The following FTO variants were observed in gnomAD, a reference collection of about 807,000 sequenced individuals.
FTO encodes FTO alpha-ketoglutarate dependent dioxygenase.
A neutral mutation model predicts 63.9 loss-of-function variants in FTO; 47 were observed. The observed-to-expected ratio is 0.74, with a 90% CI of 0.58 to 0.94. The LOEUF (loss-of-function observed/expected upper bound fraction) is 0.94, where lower values mean the gene tolerates loss of function less well. Among genes scored for constraint, FTO ranks in the 40% least tolerant of loss-of-function variants. The pLI is 0.00. For missense variants in FTO, 562 were observed against 618.1 expected (o/e 0.91, Z 0.96); for synonymous variants, 207 against 224.4 (o/e 0.92, Z 0.69).
intron 8 of FTO, among the ~76,000 whole-genome samples, chr16:54,030,201 G>A (rs1445135374): frequency 6.6e-6 from 1 of 152,062 alleles, no homozygotes. Context: ...TTGTTCATAT[G>A]GAAGATAAAT....
chr16:53,826,543 G>A, intron 3 of FTO, 52 bp downstream of exon 3: 1 of 1,579,974 alleles, frequency 6.3e-7, no homozygotes, highest in South Asian at 1.1e-5. Flanking sequence ...TATGACCCGA[G>A]TTGTTTAGGC....
At chr16:53,982,273 C>A (rs904180635) in intron 8 of FTO, among the ~76,000 whole-genome samples, 3 of 152,068 alleles carry the variant, frequency 2.0e-5, no homozygotes, top group Non-Finnish European at 2.9e-5. Context: ...CATGGTATAC[C>A]TCCAATACAC....
At chr16:53,914,095 A>G (rs1188386529) in intron 7 of FTO, among the ~76,000 whole-genome samples, 2 of 151,512 alleles carry the variant, frequency 1.3e-5, no homozygotes, top group East Asian at 3.9e-4. Flanking sequence ...CTTCCCAGGG[A>G]CTCTCTTATT....
intron 8 of FTO, among the ~76,000 whole-genome samples, chr16:54,051,811 G>A (rs1280271453): frequency 2.6e-5 from 4 of 152,200 alleles, no homozygotes; most frequent in African/African-American, 9.6e-5. Context: ...AACAAAGGAA[G>A]TCTCTTTTAA....
chr16:53,717,396 C>T (rs1224014202), intron 1 of FTO, among the ~76,000 whole-genome samples: 1 of 151,994 alleles, frequency 6.6e-6, no homozygotes, highest in African/African-American at 2.4e-5. Context: ...TGAATTTCCT[C>T]CCACCATTTA....
intron 8 of FTO, among the ~76,000 whole-genome samples, chr16:53,963,081 G>A (rs1284257771): frequency 6.6e-6 from 1 of 152,170 alleles, no homozygotes; most frequent in Non-Finnish European, 1.5e-5. Flanking sequence ...TTTTAAAACA[G>A]TATAGTCACA....
intron 8 of FTO, among the ~76,000 whole-genome samples, chr16:53,948,282 G>A (rs1251876370): frequency 2.0e-5 from 3 of 152,228 alleles, no homozygotes; most frequent in South Asian, 2.1e-4. Flanking sequence ...GGAAGTATTC[G>A]TCTGAGCTTT....
intron 1 of FTO, among the ~76,000 whole-genome samples, chr16:53,750,442 T>C (rs553606672): frequency 1.3e-5 from 2 of 152,296 alleles, no homozygotes; most frequent in Admixed American, 1.3e-4. Context: ...TTTTGCCATG[T>C]TGGTCAGGCT....
At chr16:54,062,260 C>T (rs186188339) in intron 8 of FTO, among the ~76,000 whole-genome samples, 100 of 152,334 alleles carry the variant, frequency 6.6e-4, no homozygotes, top group Admixed American at 1.2e-3. Flanking sequence ...TATTTCTGCT[C>T]TGAAAATGAC....
intron 3 of FTO, among the ~76,000 whole-genome samples, chr16:53,840,145 A>C (rs2079432526): frequency 6.6e-6 from 1 of 152,092 alleles, no homozygotes; most frequent in South Asian, 2.1e-4. Context: ...CAATGGTAGA[A>C]GTTATAGTTG....
At chr16:54,020,445 G>A (rs2084563172) in intron 8 of FTO, among the ~76,000 whole-genome samples, 1 of 152,102 alleles carries the variant, frequency 6.6e-6, no homozygotes, top group South Asian at 2.1e-4. Flanking sequence ...TGCACTTTCT[G>A]TTTTACAGTT....
chr16:53,779,216 A>C (rs979385915), intron 1 of FTO, among the ~76,000 whole-genome samples: 2 of 152,190 alleles, frequency 1.3e-5, no homozygotes, highest in Non-Finnish European at 2.9e-5. Flanking sequence ...TTAACTGATC[A>C]TGTAATAGAA....
In FTO at chr16:53,724,522, G is replaced by A. The variant is rs1361127775; in HGVS notation, c.45+20293G>A. ...TCTATTTGTGATTAGAAATCCTATTGTTGAGAATTATTACTGTGTCCTGGG... is the reference window on the plus strand; with the variant it reads ...TCTATTTGTGATTAGAAATCCTATTATTGAGAATTATTACTGTGTCCTGGG... On this transcript the variant is annotated intron_variant, in intron 1 of 8. Coordinates refer to ENST00000471389, the MANE Select transcript of FTO (RefSeq NM_001080432.3). Among the ~76,000 whole-genome samples the A allele has an allele frequency of 2.0e-5, 3 of 152,172 alleles. No individual in the cohort carries two copies. The East Asian group carries it at 5.8e-4, about 29-fold the overall frequency.
In FTO at chr16:53,826,248, T is replaced by C. The variant is rs2151775674; in HGVS notation, c.508T>C (p.Leu170=). 2 of 1,614,206 alleles carry C rather than the reference T, an allele frequency of 1.2e-6. No homozygotes were observed. Among genetic ancestry groups the C allele is most frequent in the Non-Finnish European group, 1.7e-6 (2 of 1,180,032 alleles). Residue 170 remains leucine (L), a synonymous_variant, in exon 3 of 9, where the codon TTG becomes CTG. Transcript: ENST00000471389. ...KEKANEDAVP[L]CMSADFPRVG... is the part of the protein sequence containing the mutation. ...GAAGGCTAATGAGGATGCTGTGCCA[T>C]TGTGTATGTCTGCAGATTTCCCCAG... is the stretch of plus-strand genomic sequence containing the variant.
At chr16:53,927,599 T>A (rs1289647906) in intron 7 of FTO, among the ~76,000 whole-genome samples, 1 of 151,696 alleles carries the variant, frequency 6.6e-6, no homozygotes, top group Non-Finnish European at 1.5e-5. Context: ...ACCGAAGAGA[T>A]GAGAGGAGGA....
chr16:54,094,543 G>A (rs1212563085), intron 8 of FTO, among the ~76,000 whole-genome samples: 3 of 152,140 alleles, frequency 2.0e-5, no homozygotes, highest in Non-Finnish European at 2.9e-5. Context: ...CTGAATTCAC[G>A]GCACCAAAAA....
At chr16:53,915,186 C>A (rs1241955293) in intron 7 of FTO, among the ~76,000 whole-genome samples, 1 of 152,128 alleles carries the variant, frequency 6.6e-6, no homozygotes, top group African/African-American at 2.4e-5. Context: ...CTGACCCAAC[C>A]AAATTGCTTA....
At chr16:53,870,843 A>G (rs2080472082) in intron 4 of FTO, among the ~76,000 whole-genome samples, 1 of 152,144 alleles carries the variant, frequency 6.6e-6, no homozygotes, top group Non-Finnish European at 1.5e-5. Context: ...TTTCATAACT[A>G]TTCTTATAGT....
chr16:54,059,074 T>C (rs1163796817), intron 8 of FTO, among the ~76,000 whole-genome samples: 1 of 152,256 alleles, frequency 6.6e-6, no homozygotes, highest in Non-Finnish European at 1.5e-5. Context: ...CATCTTCTTA[T>C]GCATGCAGAA....
Sources: gnomAD v4.1 joint callset for allele counts (sites outside exome capture counted in the v4.1 genomes callset) on GRCh38, gnomAD v4.1.1 for gene constraint, MANE v1.5 for transcripts, NCBI Gene and HGNC (gene_info 2026-07-23, HGNC 2026-07-21) for gene names.